The following ARHGEF3 variants were observed in gnomAD, a reference collection of about 807,000 sequenced individuals.
The protein encoded by ARHGEF3 is Rho guanine nucleotide exchange factor 3.
A neutral mutation model predicts 63.2 loss-of-function variants in ARHGEF3; 28 were observed. That is an observed-to-expected ratio of 0.44 (90% CI 0.33 to 0.61). ARHGEF3 has a LOEUF of 0.61. ARHGEF3 is among the 20% of genes least tolerant of loss of function. The pLI, the probability that ARHGEF3 is intolerant of heterozygous loss-of-function variation, is 0.03. For missense variants in ARHGEF3, 533 were observed against 659.3 expected (o/e 0.81, Z 2.10); for synonymous variants, 266 against 254.2 (o/e 1.05, Z -0.44).
At chr3:56,819,480 C>A (rs1052740023) in intron 4 of ARHGEF3, among the ~76,000 whole-genome samples, 1 of 151,462 alleles carries the variant, frequency 6.6e-6, no homozygotes, top group Admixed American at 6.6e-5. Flanking sequence ...TTATTACTAC[C>A]ACTTAATTAA....
chr3:57,042,673 TATATATATATATATATATATA>T (rs747227732), intron 1 of ARHGEF3, among the ~76,000 whole-genome samples: 428 of 37,646 alleles, frequency 0.011, 50 homozygotes, highest in African/African-American at 0.039. Flanking sequence ...TATATATATA[TATATATATATATATATATATA>T]TATATATTTT....
chr3:56,993,686 A>G (rs1701853127), intron 2 of ARHGEF3, among the ~76,000 whole-genome samples: 1 of 151,818 alleles, frequency 6.6e-6, no homozygotes, highest in South Asian at 2.1e-4. Context: ...AACTTTGGAT[A>G]CATTGCTTAA....
intron 4 of ARHGEF3, among the ~76,000 whole-genome samples, chr3:56,816,291 G>A (rs2038268156): frequency 6.6e-6 from 1 of 152,100 alleles, no homozygotes; most frequent in Non-Finnish European, 1.5e-5. Context: ...CAAAGCTGAG[G>A]GTTCTGTGCA....
chr3:57,003,872 G>A (rs1401049453), intron 2 of ARHGEF3, among the ~76,000 whole-genome samples: 1 of 152,194 alleles, frequency 6.6e-6, no homozygotes, highest in African/African-American at 2.4e-5. Flanking sequence ...CCTCCAGAAG[G>A]AGCCAAGCCT....
rs71076009 is a variant in ARHGEF3 at position 57,000,310 on chromosome 3, CCACACA to C, written c.62+34772_62+34777del. Among the ~76,000 whole-genome samples, 212 of 139,258 alleles carry C rather than the reference CCACACA, an allele frequency of 1.5e-3. 2 individuals are homozygous for C. The highest frequency in any genetic ancestry group is 4.5e-3 in the African/African-American group (165 of 36,394). The allele number at this position is 139,258 out of a possible 152,430, so 91.4% of individuals were successfully genotyped here. A position where few individuals can be genotyped will look rare whatever the true frequency, so the allele number is the denominator to read the frequency against. ...AAGTCCTTTTTTTAGAGGGTAACTC[CCACACA>C]CACACACACACACACACACACACAC... On this transcript the variant is annotated intron_variant, in intron 2 of 12. Transcript: ENST00000338458.
intron 4 of ARHGEF3, among the ~76,000 whole-genome samples, chr3:56,829,492 G>C (rs2038853351): frequency 6.6e-6 from 1 of 152,132 alleles, no homozygotes; most frequent in South Asian, 2.1e-4. Context: ...AGCTATCCCT[G>C]CAGCCCTACA....
chr3:56,992,366 G>A (rs1024846698), intron 2 of ARHGEF3, among the ~76,000 whole-genome samples: 2 of 112,316 alleles, frequency 1.8e-5, no homozygotes, highest in African/African-American at 3.4e-5. Context: ...ATGGTAGGGA[G>A]GATGGCTTTA....
At chr3:57,065,302 A>G (rs1436757203) in intron 1 of ARHGEF3, among the ~76,000 whole-genome samples, 1 of 152,158 alleles carries the variant, frequency 6.6e-6, no homozygotes, top group Non-Finnish European at 1.5e-5. Context: ...TCTCTACGAA[A>G]AATACAAAAT....
At chr3:56,773,917 G>T in intron 1 of ARHGEF3, 101 bp from the exon 2 acceptor site, 1 of 930,710 alleles carries the variant, frequency 1.1e-6, no homozygotes, top group Non-Finnish European at 1.6e-6. Flanking sequence ...GGTACTGGTT[G>T]TACACTGATC....
At chr3:57,006,106 T>G (rs946048124) in intron 2 of ARHGEF3, among the ~76,000 whole-genome samples, 2 of 152,190 alleles carry the variant, frequency 1.3e-5, no homozygotes, top group Non-Finnish European at 2.9e-5. Context: ...GGTGGCTTAA[T>G]CAATGTTGAA....
chr3:57,009,276 C>T (rs983771162), intron 2 of ARHGEF3, among the ~76,000 whole-genome samples: 1 of 152,138 alleles, frequency 6.6e-6, no homozygotes. Flanking sequence ...AAAAATAGTA[C>T]CAAAAAATCT....
At chr3:56,759,519 A>G (rs1384353748) in intron 2 of ARHGEF3, among the ~76,000 whole-genome samples, 3 of 151,702 alleles carry the variant, frequency 2.0e-5, no homozygotes, top group Admixed American at 1.3e-4. Flanking sequence ...AAATTTACAT[A>G]ACTCAATTAC....
intron 2 of ARHGEF3, among the ~76,000 whole-genome samples, chr3:56,980,407 T>C (rs1406151601): frequency 6.6e-6 from 1 of 152,172 alleles, no homozygotes; most frequent in Admixed American, 6.5e-5. Flanking sequence ...AGAATGGCTG[T>C]ATGGGGACTC....
chr3:56,885,470 G>A (rs145260563), intron 3 of ARHGEF3, among the ~76,000 whole-genome samples: 2 of 152,200 alleles, frequency 1.3e-5, no homozygotes, highest in Admixed American at 1.3e-4. Context: ...TGAGTTTTAT[G>A]GTGCTACAGT....
intron 4 of ARHGEF3, among the ~76,000 whole-genome samples, chr3:56,838,897 A>C (rs995710013): frequency 1.3e-5 from 2 of 152,118 alleles, no homozygotes; most frequent in Non-Finnish European, 2.9e-5. Flanking sequence ...TGGGAGAACA[A>C]GGTGGGAGGA....
At position 56,737,115 on chromosome 3, in the gene ARHGEF3, G is replaced by A. The variant is rs1256124833; in HGVS notation, c.1041+70C>T. ...CTAGATAGGGAAGAAATTCTAAGAG[G>A]AGGCTCCACACCAAATGAATTAGGG... On this transcript the variant is annotated intron_variant, in intron 8 of 9. Coordinates refer to ENST00000296315, the MANE Select transcript of ARHGEF3 (RefSeq NM_019555.3). 95 of 1,413,364 alleles carry A rather than the reference G, an allele frequency of 6.7e-5. 1 individual carries two copies. In the South Asian group the frequency reaches 1.3e-3, roughly 19 times the overall value. 87.6% of individuals were successfully genotyped at this position (1,413,364 alleles called of 1,614,324 possible). A position where few individuals can be genotyped will look rare whatever the true frequency, so the allele number is the denominator to read the frequency against.
At chr3:57,061,682 C>T (rs146153052) in intron 1 of ARHGEF3, among the ~76,000 whole-genome samples, 67 of 152,282 alleles carry the variant, frequency 4.4e-4, no homozygotes, top group Non-Finnish European at 8.2e-4. Context: ...CTATATGATA[C>T]CTCTATGTTT....
At chr3:56,831,065 T>C (rs1410140607) in intron 4 of ARHGEF3, among the ~76,000 whole-genome samples, 1 of 152,224 alleles carries the variant, frequency 6.6e-6, no homozygotes, top group Non-Finnish European at 1.5e-5. Flanking sequence ...TTGTCCCTCA[T>C]GTTTGCTGTT....
At chr3:56,868,397 C>T (rs1216705463) in intron 4 of ARHGEF3, among the ~76,000 whole-genome samples, 1 of 147,970 alleles carries the variant, frequency 6.8e-6, no homozygotes, top group Non-Finnish European at 1.5e-5. Context: ...CTCGCTCTGT[C>T]ACCCAGGCTG....
Sources: gnomAD v4.1 joint callset for allele counts (sites outside exome capture counted in the v4.1 genomes callset) on GRCh38, gnomAD v4.1.1 for gene constraint, MANE v1.5 for transcripts, NCBI Gene and HGNC (gene_info 2026-07-23, HGNC 2026-07-21) for gene names.